The following ANKS1B variants were observed in gnomAD, a reference collection of about 807,000 sequenced individuals.
ANKS1B encodes the protein ankyrin repeat and sterile alpha motif domain-containing protein 1B.
A neutral mutation model predicts 148.3 loss-of-function variants in ANKS1B; 36 were observed. That is an observed-to-expected ratio of 0.24 (90% confidence interval 0.19 to 0.32). ANKS1B has a LOEUF of 0.32. Ranked by LOEUF, ANKS1B falls within the 10% of genes least tolerant of loss-of-function variation. The pLI, the probability that ANKS1B is intolerant of heterozygous loss-of-function variation, is 1.00. For missense variants in ANKS1B, 1,157 were observed against 1,542.6 expected, an observed-to-expected ratio of 0.75 and a Z score of 4.19; for synonymous variants, 542 against 560.8, an observed-to-expected ratio of 0.97 and a Z score of 0.47.
At chr12:99,264,822 G>C (rs1280450780) in intron 12 of ANKS1B, among the ~76,000 whole-genome samples, 1 of 152,128 alleles carries the variant, frequency 6.6e-6, no homozygotes, top group Non-Finnish European at 1.5e-5. Flanking sequence ...GAAAGGAAAA[G>C]CTTAGGTTAA....
rs189450840 is a variant in ANKS1B at position 99,458,853 on chromosome 12, C to T, written c.1439-15044G>A. Reference sequence around the variant, plus strand: ...CATTCAAAGAAGAATTGGTACCAATCCTGTTGATATCTATTCCAAAAGATA... The same window carrying T: ...CATTCAAAGAAGAATTGGTACCAATTCTGTTGATATCTATTCCAAAAGATA... On this transcript the variant is annotated intron_variant, in intron 10 of 26. Coordinates refer to ENST00000683438, the MANE Select transcript of ANKS1B (RefSeq NM_001352186.2). Among the ~76,000 whole-genome samples the T allele has an allele frequency of 7.2e-5, 11 of 151,912 alleles. No homozygotes were observed. In the East Asian group the frequency reaches 2.1e-3, roughly 29 times the overall value.
chr12:99,457,440 G>T (rs140322100), intron 10 of ANKS1B, among the ~76,000 whole-genome samples: 288 of 152,018 alleles, frequency 1.9e-3, no homozygotes, highest in African/African-American at 6.4e-3. Flanking sequence ...TATTAACATT[G>T]AATGTAAATG....
At chr12:99,441,382 C>T (rs1040621498) in intron 11 of ANKS1B, among the ~76,000 whole-genome samples, 6 of 151,788 alleles carry the variant, frequency 4.0e-5, no homozygotes, top group Non-Finnish European at 8.8e-5. Context: ...TTCCTGAAAC[C>T]TCATGTCCTA....
chr12:99,689,610 A>G (rs1421993582), intron 8 of ANKS1B, among the ~76,000 whole-genome samples: 2 of 152,234 alleles, frequency 1.3e-5, no homozygotes, highest in Non-Finnish European at 2.9e-5. Flanking sequence ...TGGCTGAGCC[A>G]GACCTGATCA....
chr12:99,083,962 T>C (rs74383030), intron 16 of ANKS1B: 3 of 152,184 alleles, frequency 2.0e-5, no homozygotes, highest in Admixed American at 6.5e-5. Flanking sequence ...GAAAGATTCA[T>C]GCTCAGATTT....
At chr12:99,346,923 G>A (rs1301919634) in intron 12 of ANKS1B, among the ~76,000 whole-genome samples, 4 of 151,962 alleles carry the variant, frequency 2.6e-5, no homozygotes, top group Non-Finnish European at 4.4e-5. Flanking sequence ...GTAACCCAGT[G>A]GAAGAGGTTT....
chr12:99,391,560 A>T (rs2094070492), intron 12 of ANKS1B, among the ~76,000 whole-genome samples: 1 of 152,190 alleles, frequency 6.6e-6, no homozygotes, highest in South Asian at 2.1e-4. Flanking sequence ...AGATACTCTC[A>T]CAGCACTTTC....
At chr12:99,020,112 C>T (rs2099944899) in intron 17 of ANKS1B, among the ~76,000 whole-genome samples, 1 of 151,908 alleles carries the variant, frequency 6.6e-6, no homozygotes, top group South Asian at 2.1e-4. Flanking sequence ...ATAAACTTTC[C>T]CTTTTTAACT....
chr12:99,004,195 C>A (rs1419539212), intron 17 of ANKS1B, among the ~76,000 whole-genome samples: 3 of 152,154 alleles, frequency 2.0e-5, no homozygotes, highest in Admixed American at 6.5e-5. Flanking sequence ...GACCTCCCAG[C>A]TGATTGTTAT....
At chr12:99,707,895 T>C (rs948142829) in intron 8 of ANKS1B, among the ~76,000 whole-genome samples, 7 of 152,108 alleles carry the variant, frequency 4.6e-5, no homozygotes, top group African/African-American at 1.4e-4. Context: ...AAATCAGGTG[T>C]ATGTGTGGGA....
intron 17 of ANKS1B, among the ~76,000 whole-genome samples, chr12:98,904,415 G>A (rs890613785): frequency 6.6e-6 from 1 of 152,218 alleles, no homozygotes; most frequent in African/African-American, 2.4e-5. Context: ...AAGGACACAT[G>A]ATAGCTCTAC....
At chr12:99,126,927 T>C (rs545871173) in intron 15 of ANKS1B, among the ~76,000 whole-genome samples, 1 of 152,206 alleles carries the variant, frequency 6.6e-6, no homozygotes, top group East Asian at 1.9e-4. Context: ...TCAATTAACA[T>C]TTTGGAAAAA....
Position 99,812,152 on chromosome 12 carries a change from C to A in ANKS1B, c.372+3G>T, listed in dbSNP as rs765899251. 2 of 1,607,882 alleles carry A rather than the reference C, an allele frequency of 1.2e-6. No individual in the cohort carries two copies. Among genetic ancestry groups the A allele is most frequent in the Non-Finnish European group, 1.7e-6 (2 of 1,176,288 alleles). On this transcript the variant is annotated splice_donor_region_variant and intron_variant, in intron 3 of 26. Coordinates refer to ENST00000683438, the MANE Select transcript of ANKS1B (RefSeq NM_001352186.2). ...ATCATGAGCAAACATTTGGCAAGTGCACCTGTTCATTGACCCTGGAATGTG... is the reference window on the plus strand; with the variant it reads ...ATCATGAGCAAACATTTGGCAAGTGAACCTGTTCATTGACCCTGGAATGTG...
intron 11 of ANKS1B, among the ~76,000 whole-genome samples, chr12:99,410,050 T>C (rs2094641129): frequency 6.6e-6 from 1 of 152,226 alleles, no homozygotes; most frequent in Non-Finnish European, 1.5e-5. Context: ...GCAAACTACA[T>C]CTTATGTGCC....
chr12:99,933,370 A>G (rs2094676122), intron 1 of ANKS1B, among the ~76,000 whole-genome samples: 1 of 152,154 alleles, frequency 6.6e-6, no homozygotes, highest in Non-Finnish European at 1.5e-5. Context: ...CATTTTGACA[A>G]TAGTGATTCT....
chr12:99,247,256 G>A (rs1165031451), intron 12 of ANKS1B, among the ~76,000 whole-genome samples: 1 of 152,118 alleles, frequency 6.6e-6, no homozygotes, highest in Non-Finnish European at 1.5e-5. Context: ...TCGTGAAGTA[G>A]AACACTAGGC....
intron 10 of ANKS1B, among the ~76,000 whole-genome samples, chr12:99,464,979 A>T (rs2096071400): frequency 6.6e-6 from 1 of 152,182 alleles, no homozygotes; most frequent in South Asian, 2.1e-4. Context: ...CAACTCCAAG[A>T]CACATAATTG....
chr12:99,471,644 G>A (rs1357451460), intron 10 of ANKS1B, among the ~76,000 whole-genome samples: 1 of 144,770 alleles, frequency 6.9e-6, no homozygotes, highest in African/African-American at 2.7e-5. Context: ...TATCACATAT[G>A]CGTGCACACA....
intron 8 of ANKS1B, among the ~76,000 whole-genome samples, chr12:99,699,194 A>C (rs1041187823): frequency 2.0e-5 from 3 of 152,108 alleles, no homozygotes; most frequent in African/African-American, 7.2e-5. Context: ...GTGTGTGTGC[A>C]TGTGTGCACA....
Sources: allele counts gnomAD v4.1 joint callset (sites outside exome capture counted in the v4.1 genomes callset), GRCh38; gene constraint gnomAD v4.1.1; transcripts MANE v1.5; gene names NCBI Gene and HGNC (gene_info 2026-07-23, HGNC 2026-07-21).